SCAI: variants seen among roughly 807,000 people sequenced by gnomAD.
The protein encoded by SCAI is protein SCAI.
A neutral mutation model predicts 92.2 loss-of-function variants in SCAI; 24 were observed. The ratio of observed to expected loss-of-function variants is 0.26; its 90% CI spans 0.19 to 0.37. The LOEUF (loss-of-function observed/expected upper bound fraction) is 0.37, where lower values mean the gene tolerates loss of function less well. Ranked by LOEUF, SCAI falls within the 10% of genes least tolerant of loss-of-function variation. The pLI is 1.00. For missense variants in SCAI, 450 were observed against 736.2 expected (o/e 0.61, Z 4.50); for synonymous variants, 261 against 258.6 (o/e 1.01, Z -0.09).
At position 124,983,673 on chromosome 9, in the gene SCAI, G is replaced by T. The variant is rs551533418; in HGVS notation, c.1327-7487C>A. Among the ~76,000 whole-genome samples the T allele has an allele frequency of 1.3e-4, 20 of 152,322 alleles. No individual in the cohort carries two copies. The East Asian group carries it at 2.7e-3, about 21-fold the overall frequency. On this transcript the variant is annotated intron_variant, in intron 14 of 17. Coordinates refer to ENST00000336505, the MANE Select transcript of SCAI (RefSeq NM_001144877.3). The stretch of plus-strand genomic sequence containing the variant: ...CGGCCTAGAGCTGAGTTGGATGGGG[G>T]ATGGAGAAATGGTAGATTGTGACCC...
intron 7 of SCAI, 56 bp from the exon 8 acceptor site, chr9:125,019,261 C>A: frequency 2.3e-6 from 2 of 888,002 alleles, no homozygotes; most frequent in Non-Finnish European, 3.5e-6. Context: ...AAACACACAG[C>A]CATATAGAAC....
At chr9:125,035,189 C>G (rs1833167188) in intron 3 of SCAI, among the ~76,000 whole-genome samples, 2 of 151,888 alleles carry the variant, frequency 1.3e-5, no homozygotes, top group Non-Finnish European at 2.9e-5. Context: ...ATCCCTGTCT[C>G]TAGCAAAAAT....
chr9:125,123,975 A>G (rs1835211472), intron 2 of SCAI, among the ~76,000 whole-genome samples: 1 of 152,232 alleles, frequency 6.6e-6, no homozygotes, highest in African/African-American at 2.4e-5. Flanking sequence ...CAAATGCAAA[A>G]TAAGAATACA....
chr9:125,111,563 T>C (rs925881682), intron 2 of SCAI, among the ~76,000 whole-genome samples: 1 of 152,200 alleles, frequency 6.6e-6, no homozygotes, highest in East Asian at 1.9e-4. Context: ...GTGAAAATTT[T>C]TTTTTTTTTT....
At chr9:125,103,172 T>C (rs770999878) in intron 2 of SCAI, among the ~76,000 whole-genome samples, 100 of 152,208 alleles carry the variant, frequency 6.6e-4, no homozygotes, top group Non-Finnish European at 9.4e-4. Context: ...GAAGAAACTT[T>C]CTGACCCAGT....
rs144782993 is a variant in SCAI at position 124,988,035 on chromosome 9, A to AAC, written c.1326+6897_1326+6898dup. Among the ~76,000 whole-genome samples the AAC allele has an allele frequency of 7.7e-3, 1,154 of 149,686 alleles. 9 individuals carry two copies. The highest frequency in any genetic ancestry group is 0.018 in the African/African-American group (731 of 40,910). ...CTGGGTAAGGATATATGTATCTATA[A>AAC]ACACACACACACACACACACAACAC... On this transcript the variant is annotated intron_variant, in intron 14 of 17. Coordinates refer to ENST00000336505, the MANE Select transcript of SCAI (RefSeq NM_001144877.3).
At position 125,001,972 on chromosome 9, in the gene SCAI, A is replaced by G; in HGVS notation, c.1137T>C (p.Asp379=). 1 of 1,610,282 alleles carries G rather than the reference A, an allele frequency of 6.2e-7. No homozygotes were observed. The highest frequency in any genetic ancestry group is 1.1e-5 in the South Asian group (1 of 91,000). Residue 379 remains aspartate, a synonymous_variant, in exon 12 of 18, where the codon GAT becomes GAC. Coordinates refer to ENST00000336505, the MANE Select transcript of SCAI (RefSeq NM_001144877.3). ...AGCATTCCTTTATTGTACCTTCACTATCAGAACGACCTGTGGGGAAAACGC... is the reference window on the plus strand; with the variant it reads ...AGCATTCCTTTATTGTACCTTCACTGTCAGAACGACCTGTGGGGAAAACGC... The part of the protein sequence containing the change: ...ATGVFPTGRS[D]SEGPYDFGGV...
intron 14 of SCAI, among the ~76,000 whole-genome samples, chr9:124,978,906 G>A (rs1831816772): frequency 6.6e-6 from 1 of 151,918 alleles, no homozygotes; most frequent in Non-Finnish European, 1.5e-5. Flanking sequence ...TGTCGCCCAG[G>A]CTGGAGTGCA....
At chr9:125,105,435 G>A (rs975063481) in intron 2 of SCAI, among the ~76,000 whole-genome samples, 21 of 152,236 alleles carry the variant, frequency 1.4e-4, no homozygotes, top group African/African-American at 4.6e-4. Context: ...GTTACCTATC[G>A]CTTCTTGGCC....
rs150117054 is a variant in SCAI at position 125,129,273 on chromosome 9, T to C, written c.98+13360A>G. Among the ~76,000 whole-genome samples the C allele has an allele frequency of 9.4e-3, 1,399 of 149,278 alleles. 21 individuals are homozygous for C. Among genetic ancestry groups the C allele is most frequent in the African/African-American group, 0.032 (1,317 of 40,550 alleles). ...CTGGTTAACATGGTGAAACCCCGTC[T>C]CTACTAAAAATACAAAAGTTAGCCA... On this transcript the variant is annotated intron_variant, in intron 2 of 17. Transcript: ENST00000336505.
chr9:125,130,869 A>G (rs1209297675), intron 2 of SCAI, among the ~76,000 whole-genome samples: 1 of 151,848 alleles, frequency 6.6e-6, no homozygotes, highest in Non-Finnish European at 1.5e-5. Context: ...TATAGACTAA[A>G]AAAGACTTCA....
At chr9:125,101,163 G>A (rs926750588) in intron 2 of SCAI, among the ~76,000 whole-genome samples, 3 of 152,162 alleles carry the variant, frequency 2.0e-5, no homozygotes, top group Non-Finnish European at 2.9e-5. Context: ...ACCAGTTCAC[G>A]CACAGCCATG....
Position 125,028,066 on chromosome 9 carries a change from C to T in SCAI, c.413+326G>A, listed in dbSNP as rs376967115. ...CACATATACAAGTTATAATACAATG[C>T]TACACATTATTAAGACAAGTGAAGC... On this transcript the variant is annotated intron_variant, in intron 5 of 17. Transcript: ENST00000336505. Among the ~76,000 whole-genome samples, 14 of 152,298 alleles carry T rather than the reference C, an allele frequency of 9.2e-5. No homozygotes were observed. In the South Asian group the frequency reaches 2.3e-3, roughly 25 times the overall value.
At chr9:125,011,920 C>G (rs1832649065) in intron 9 of SCAI, among the ~76,000 whole-genome samples, 1 of 152,162 alleles carries the variant, frequency 6.6e-6, no homozygotes, top group Admixed American at 6.6e-5. Flanking sequence ...AATTTCATAT[C>G]CAGCCAAACT....
chr9:125,048,814 C>T (rs1432936897), intron 3 of SCAI, among the ~76,000 whole-genome samples: 3 of 151,986 alleles, frequency 2.0e-5, no homozygotes, highest in Non-Finnish European at 2.9e-5. Flanking sequence ...GGCGTGATCT[C>T]GGCTCACCAC....
intron 3 of SCAI, among the ~76,000 whole-genome samples, chr9:125,033,012 T>C (rs1005927628): frequency 6.6e-6 from 1 of 152,176 alleles, no homozygotes; most frequent in African/African-American, 2.4e-5. Flanking sequence ...TTGGTTGTAA[T>C]AGACAGAAAA....
At chr9:125,007,417 C>T (rs1832533744) in intron 9 of SCAI, among the ~76,000 whole-genome samples, 1 of 152,096 alleles carries the variant, frequency 6.6e-6, no homozygotes, top group Admixed American at 6.5e-5. Context: ...GGGCCAGGTG[C>T]CGTGGTTCAT....
At chr9:125,140,512 A>C (rs2131278356) in intron 2 of SCAI, among the ~76,000 whole-genome samples, 2 of 152,290 alleles carry the variant, frequency 1.3e-5, no homozygotes, top group South Asian at 4.1e-4. Flanking sequence ...CGGGCAACAA[A>C]GTAAGACTTT....
intron 2 of SCAI, among the ~76,000 whole-genome samples, chr9:125,102,334 C>T (rs181233695): frequency 7.5e-4 from 114 of 152,256 alleles, no homozygotes; most frequent in Non-Finnish European, 3.1e-4. Context: ...AGTTCATTAC[C>T]GTTTCCCTAC....
Sources: allele counts gnomAD v4.1 joint callset (sites outside exome capture counted in the v4.1 genomes callset), GRCh38; gene constraint gnomAD v4.1.1; transcripts MANE v1.5; gene names NCBI Gene and HGNC (gene_info 2026-07-23, HGNC 2026-07-21).